The following SLC2A13 variants were observed in gnomAD, a reference collection of about 807,000 sequenced individuals.
The protein encoded by SLC2A13 is proton myo-inositol cotransporter.
In SLC2A13, 32 loss-of-function variants were observed where a neutral mutation model predicts 64.4. The ratio of observed to expected loss-of-function variants is 0.50; its 90% confidence interval spans 0.37 to 0.67. SLC2A13 has a LOEUF of 0.67. Ranked by LOEUF, SLC2A13 falls within the 30% of genes least tolerant of loss-of-function variation. The pLI, the probability that SLC2A13 is intolerant of heterozygous loss-of-function variation, is 0.00. For missense variants in SLC2A13, 743 were observed against 829.2 expected (o/e 0.90, Z 1.28); for synonymous variants, 338 against 327.1 (o/e 1.03, Z -0.36).
intron 4 of SLC2A13, chr12:39,951,009 G>C (rs1285065789): frequency 2.4e-6 from 1 of 412,982 alleles, no homozygotes; most frequent in Non-Finnish European, 4.3e-6. Flanking sequence ...GTATTGGATG[G>C]CGTAAAAGAG....
intron 1 of SLC2A13, among the ~76,000 whole-genome samples, chr12:40,064,361 C>G (rs1331525557): frequency 6.6e-6 from 1 of 151,880 alleles, no homozygotes; most frequent in Non-Finnish European, 1.5e-5. Context: ...GTGGACTTAA[C>G]TTTTTAACAT....
At chr12:39,829,985 T>G (rs752529856) in intron 7 of SLC2A13, 118 bp downstream of exon 7, 1 of 1,230,540 alleles carries the variant, frequency 8.1e-7, no homozygotes, top group Admixed American at 1.9e-5. Context: ...TGCAAAGTAA[T>G]GTAGTTATGA....
At chr12:40,026,793 T>C (rs1947816521) in intron 3 of SLC2A13, among the ~76,000 whole-genome samples, 1 of 152,092 alleles carries the variant, frequency 6.6e-6, no homozygotes, top group South Asian at 2.1e-4. Context: ...TTAAAACAAA[T>C]TCATGGCCAG....
chr12:40,062,508 T>C (rs997819151), intron 1 of SLC2A13, among the ~76,000 whole-genome samples: 1 of 151,982 alleles, frequency 6.6e-6, no homozygotes, highest in Non-Finnish European at 1.5e-5. Flanking sequence ...CTGAGGACTA[T>C]CAGGAAAAAA....
At chr12:40,065,398 A>G (rs1397672464) in intron 1 of SLC2A13, among the ~76,000 whole-genome samples, 1 of 151,864 alleles carries the variant, frequency 6.6e-6, no homozygotes, top group Admixed American at 6.6e-5. Flanking sequence ...CCTGGGCAAC[A>G]TAGTGAAACC....
At chr12:40,082,000 G>A (rs1592068104) in intron 1 of SLC2A13, among the ~76,000 whole-genome samples, 4 of 152,178 alleles carry the variant, frequency 2.6e-5, no homozygotes, top group Admixed American at 2.6e-4. Context: ...GGGGACCTGG[G>A]ACCAGGCCCA....
intron 1 of SLC2A13, among the ~76,000 whole-genome samples, chr12:40,060,324 T>G (rs1411686332): frequency 6.6e-6 from 1 of 152,172 alleles, no homozygotes; most frequent in Non-Finnish European, 1.5e-5. Flanking sequence ...TGCAAAAACT[T>G]GAAAACCTTC....
intron 3 of SLC2A13, among the ~76,000 whole-genome samples, chr12:39,962,929 C>T (rs534117330): frequency 6.6e-6 from 1 of 152,300 alleles, no homozygotes; most frequent in African/African-American, 2.4e-5. Flanking sequence ...AATTCAACTA[C>T]TGATGCTATG....
At chr12:39,988,498 AAAAG>A (rs149761128) in intron 3 of SLC2A13, among the ~76,000 whole-genome samples, 7,110 of 148,214 alleles carry the variant, frequency 0.048, 442 homozygotes, top group East Asian at 0.38. Flanking sequence ...AGGAAGGAGA[AAAAG>A]AAAGAAAGAA....
At chr12:39,999,852 C>A (rs1027152875) in intron 3 of SLC2A13, among the ~76,000 whole-genome samples, 3 of 152,148 alleles carry the variant, frequency 2.0e-5, no homozygotes, top group Admixed American at 2.0e-4. Context: ...TGTACACCCT[C>A]CCCTTTTGAA....
rs1215081013 is a variant in SLC2A13 at position 40,084,407 on chromosome 12, C to G, written c.556+20846G>C. 2.0e-5 allele frequency among the ~76,000 whole-genome samples: 3 copies of G among 152,208 alleles called. No individual in the cohort carries two copies. In the East Asian group the frequency reaches 5.8e-4, roughly 29 times the overall value. On this transcript the variant is annotated intron_variant, in intron 1 of 9. Coordinates refer to ENST00000280871, the MANE Select transcript of SLC2A13 (RefSeq NM_052885.4). The stretch of plus-strand genomic sequence containing the variant: ...CCATTAAAAAGCACTCTTTCAAAGA[C>G]TGCACTCTTCAACTTCAGCAAGATG...
At chr12:39,765,018 C>T (rs1004328165) in intron 7 of SLC2A13, among the ~76,000 whole-genome samples, 160 bp from the exon 8 acceptor site, 5 of 151,948 alleles carry the variant, frequency 3.3e-5, no homozygotes, top group African/African-American at 9.7e-5. Context: ...ATTAGATATG[C>T]GAGCTTGTAT....
chr12:39,877,300 C>T (rs756730987), intron 4 of SLC2A13, among the ~76,000 whole-genome samples: 2 of 152,090 alleles, frequency 1.3e-5, no homozygotes, highest in African/African-American at 2.4e-5. Flanking sequence ...ATGTCTTACA[C>T]GGTGGCAGGC....
intron 3 of SLC2A13, among the ~76,000 whole-genome samples, chr12:40,017,067 T>G (rs1947632868): frequency 6.6e-6 from 1 of 152,116 alleles, no homozygotes; most frequent in Non-Finnish European, 1.5e-5. Flanking sequence ...GATGACTAAG[T>G]AGGACAGAGG....
At chr12:39,878,684 G>C (rs1944259048) in intron 4 of SLC2A13, among the ~76,000 whole-genome samples, 1 of 152,220 alleles carries the variant, frequency 6.6e-6, no homozygotes, top group Non-Finnish European at 1.5e-5. Context: ...ATATTTATAA[G>C]GTAGGCAGAG....
intron 7 of SLC2A13, among the ~76,000 whole-genome samples, chr12:39,774,606 T>C (rs954784461): frequency 2.6e-5 from 4 of 151,210 alleles, no homozygotes; most frequent in Admixed American, 2.6e-4. Flanking sequence ...TTTTTGGTTT[T>C]GTAATTTTCC....
intron 3 of SLC2A13, among the ~76,000 whole-genome samples, chr12:40,007,498 T>A (rs1000281771): frequency 1.1e-5 from 1 of 87,752 alleles, no homozygotes; most frequent in Non-Finnish European, 2.4e-5. Context: ...ACTTTAAAAC[T>A]TTTTTTTAAA....
At chr12:39,968,635 C>T (rs575867375) in intron 3 of SLC2A13, among the ~76,000 whole-genome samples, 1 of 151,966 alleles carries the variant, frequency 6.6e-6, no homozygotes, top group Non-Finnish European at 1.5e-5. Flanking sequence ...TATCCCAAGT[C>T]TACCAACCTA....
chr12:40,094,643 G>A (rs1938877523), intron 1 of SLC2A13, among the ~76,000 whole-genome samples: 1 of 152,162 alleles, frequency 6.6e-6, no homozygotes, highest in South Asian at 2.1e-4. Flanking sequence ...AGCCTGTCTG[G>A]ATAGGGTTCA....
Sources: gnomAD v4.1 joint callset for allele counts (sites outside exome capture counted in the v4.1 genomes callset) on GRCh38, gnomAD v4.1.1 for gene constraint, MANE v1.5 for transcripts, NCBI Gene and HGNC (gene_info 2026-07-23, HGNC 2026-07-21) for gene names.